Variants in NPAS3 observed in about 807,000 individuals in gnomAD.
The protein encoded by NPAS3 is neuronal PAS domain protein 3, also known as neuronal PAS domain-containing protein 3.
In NPAS3, 14 loss-of-function variants were observed where a neutral mutation model predicts 73.1. The observed-to-expected ratio is 0.19, with a 90% CI of 0.13 to 0.30. The LOEUF (loss-of-function observed/expected upper bound fraction) is 0.30, where lower values mean the gene tolerates loss of function less well. NPAS3 is among the 10% of genes least tolerant of loss of function. NPAS3 has a pLI of 1.00. For missense variants in NPAS3, 1,096 were observed against 1,250.0 expected (o/e 0.88, Z 1.86); for synonymous variants, 620 against 541.5 (o/e 1.14, Z -2.01).
At chr14:33,748,343 T>G (rs1409640496) in intron 7 of NPAS3, among the ~76,000 whole-genome samples, 1 of 152,174 alleles carries the variant, frequency 6.6e-6, no homozygotes, top group Non-Finnish European at 1.5e-5. Context: ...TACTAATGGT[T>G]GACACATTCT....
chr14:33,054,407 C>T (rs2040811830), intron 1 of NPAS3, among the ~76,000 whole-genome samples: 1 of 151,992 alleles, frequency 6.6e-6, no homozygotes, highest in South Asian at 2.1e-4. Flanking sequence ...TATACATATA[C>T]TTTATATATA....
chr14:33,480,712 C>T (rs1433124846), intron 4 of NPAS3, among the ~76,000 whole-genome samples: 1 of 151,864 alleles, frequency 6.6e-6, no homozygotes, highest in African/African-American at 2.4e-5. Flanking sequence ...TTTTGGCAGG[C>T]ATTTAAAACC....
chr14:33,784,561 T>C (rs567211068), intron 9 of NPAS3, among the ~76,000 whole-genome samples: 3 of 152,120 alleles, frequency 2.0e-5, no homozygotes, highest in East Asian at 3.9e-4. Flanking sequence ...TAGAAGAGCA[T>C]AGGAGAGACA....
chr14:33,451,629 A>C (rs1266074246), intron 4 of NPAS3, among the ~76,000 whole-genome samples: 2 of 152,208 alleles, frequency 1.3e-5, no homozygotes. Context: ...GTATGCTATG[A>C]CAATACGGTT....
chr14:33,180,527 C>T (rs939340577), intron 2 of NPAS3, among the ~76,000 whole-genome samples: 1 of 152,054 alleles, frequency 6.6e-6, no homozygotes, highest in Non-Finnish European at 1.5e-5. Context: ...AGGCTGGGCA[C>T]GGTGGCTCAG....
chr14:33,412,368 C>T lies in NPAS3; in HGVS notation c.468+45100C>T, dbSNP rs529657292. Among the ~76,000 whole-genome samples the T allele has an allele frequency of 2.0e-5, 3 of 152,292 alleles. No homozygotes were observed. In the East Asian group the frequency reaches 5.8e-4, roughly 29 times the overall value. ...CTCTGGAGCTCAAGTTACCTGCCCA[C>T]CTCAGCTTCCCAAAGTGTTGGGATT... is the stretch of plus-strand genomic sequence containing the variant. On this transcript the variant is annotated intron_variant, in intron 4 of 11. Transcript: ENST00000356141.
At chr14:33,392,478 A>AT (rs1164889230) in intron 4 of NPAS3, among the ~76,000 whole-genome samples, 1 of 152,188 alleles carries the variant, frequency 6.6e-6, no homozygotes, top group African/African-American at 2.4e-5. Flanking sequence ...TAAAATTGAC[A>AT]TATAAATTTT....
intron 3 of NPAS3, among the ~76,000 whole-genome samples, chr14:33,221,957 T>G (rs1267966629): frequency 6.6e-6 from 1 of 152,004 alleles, no homozygotes; most frequent in Non-Finnish European, 1.5e-5. Context: ...TTACATCACA[T>G]GGGAGCGCTC....
At chr14:33,398,390 C>A (rs2047311807) in intron 4 of NPAS3, among the ~76,000 whole-genome samples, 2 of 134,384 alleles carry the variant, frequency 1.5e-5, no homozygotes, top group East Asian at 2.1e-4. Context: ...CAAAATTGAA[C>A]CTTTGTTATT....
At chr14:33,727,541 T>C (rs367687720) in intron 6 of NPAS3, among the ~76,000 whole-genome samples, 3 of 151,970 alleles carry the variant, frequency 2.0e-5, no homozygotes, top group East Asian at 1.9e-4. Flanking sequence ...TGTTTATGTA[T>C]TGTTATTTTG....
intron 4 of NPAS3, among the ~76,000 whole-genome samples, chr14:33,454,005 T>C (rs2049916822): frequency 6.6e-6 from 1 of 152,170 alleles, no homozygotes; most frequent in South Asian, 2.1e-4. Context: ...TGTTTCCTTT[T>C]TTAAATTAAG....
chr14:32,951,254 T>G (rs1429947299), intron 1 of NPAS3, among the ~76,000 whole-genome samples: 1 of 152,114 alleles, frequency 6.6e-6, no homozygotes, highest in African/African-American at 2.4e-5. Flanking sequence ...ATTTGAATTA[T>G]GTGGATATAT....
chr14:33,441,563 G>A (rs2049249658), intron 4 of NPAS3, among the ~76,000 whole-genome samples: 1 of 152,118 alleles, frequency 6.6e-6, no homozygotes, highest in Admixed American at 6.5e-5. Flanking sequence ...TCCTATTATT[G>A]TACTATTCGC....
Position 33,800,422 on chromosome 14 carries a change from G to A in NPAS3, c.2115G>A (p.Gly705=), listed in dbSNP as rs750973396. The A allele has an allele frequency of 3.1e-6, 5 of 1,592,640 alleles. No individual in the cohort carries two copies. In the South Asian group the frequency reaches 4.5e-5, roughly 14 times the overall value. The change falls in exon 12 of 12, where the codon GGG becomes GGA. Residue 705 remains glycine (G), a synonymous_variant. Coordinates refer to ENST00000356141, the Ensembl canonical transcript of NPAS3. This position sits in a 1 kb window ranked among gnomAD's most constrained non-coding sequence, Gnocchi z 6.5. ...GCGGCGGTGGGGGTGGCGGTGGCGG[G>A]GGGCTGCACGTGGCCATTCCCGACT...
At chr14:33,024,962 CTATAGCTATGCTTT>C (rs1163994232) in intron 1 of NPAS3, among the ~76,000 whole-genome samples, 1 of 152,178 alleles carries the variant, frequency 6.6e-6, no homozygotes, top group Non-Finnish European at 1.5e-5. Flanking sequence ...AAAATACATC[CTATAGCTATGCTTT>C]CTAAACTATT....
intron 5 of NPAS3, among the ~76,000 whole-genome samples, chr14:33,592,630 G>A (rs1595229761): frequency 1.3e-5 from 2 of 152,166 alleles, no homozygotes; most frequent in African/African-American, 4.8e-5. Context: ...TATTTTGGAA[G>A]ACAGTAAATT....
At chr14:32,950,183 G>A (rs2036425984) in intron 1 of NPAS3, among the ~76,000 whole-genome samples, 1 of 151,920 alleles carries the variant, frequency 6.6e-6, no homozygotes, top group African/African-American at 2.4e-5. Context: ...CAACACAGTG[G>A]GTAGTTCTGA....
chr14:32,993,107 AC>A lies in NPAS3; in HGVS notation c.50+53743del, dbSNP rs1413967888. ...GGAGGTTGCAGTGAGCCTAGATTGT[AC>A]CATTGCACTCCACCTGGGCAACAAG... On this transcript the variant is annotated intron_variant, in intron 1 of 11. Coordinates refer to ENST00000356141, the Ensembl canonical transcript of NPAS3. Among the ~76,000 whole-genome samples the A allele has an allele frequency of 2.7e-5, 4 of 150,884 alleles. No homozygotes were observed. The East Asian group carries it at 7.8e-4, about 29-fold the overall frequency.
At chr14:32,999,029 C>A (rs1029563309) in intron 1 of NPAS3, among the ~76,000 whole-genome samples, 3 of 152,138 alleles carry the variant, frequency 2.0e-5, no homozygotes, top group Non-Finnish European at 4.4e-5. Flanking sequence ...TCCTCATGCC[C>A]AGTACATGCC....
Sources: gnomAD v4.1 joint callset for allele counts (sites outside exome capture counted in the v4.1 genomes callset) on GRCh38, gnomAD v4.1.1 for gene constraint, Gnocchi (gnomAD v3.1) non-coding constraint, MANE v1.5 for transcripts, NCBI Gene and HGNC (gene_info 2026-07-23, HGNC 2026-07-21) for gene names.